Variants in ALDH1L2 observed in about 807,000 individuals in gnomAD.
The protein encoded by ALDH1L2 is aldehyde dehydrogenase 1 family member L2.
A neutral mutation model predicts 111.0 loss-of-function variants in ALDH1L2; 91 were observed. The ratio of observed to expected loss-of-function variants is 0.82; its 90% CI spans 0.69 to 0.98. The LOEUF (loss-of-function observed/expected upper bound fraction) is 0.98, where lower values mean the gene tolerates loss of function less well. ALDH1L2 is among the 50% of genes least tolerant of loss of function. The pLI, the probability that ALDH1L2 is intolerant of heterozygous loss-of-function variation, is 0.00. For synonymous variants in ALDH1L2, 374 were observed against 392.6 expected (o/e 0.95, Z 0.56); for missense variants, 995 against 1,126.8 (o/e 0.88, Z 1.67).
chr12:105,044,380 A>G (rs11112334), intron 15 of ALDH1L2, among the ~76,000 whole-genome samples: 20,780 of 140,796 alleles, frequency 0.15, 1,842 homozygotes, highest in African/African-American at 0.25. Flanking sequence ...GTGGTCTCCA[A>G]CTCAGACCAA....
At chr12:105,070,019 A>G (rs914007101) in intron 3 of ALDH1L2, among the ~76,000 whole-genome samples, 1 of 152,180 alleles carries the variant, frequency 6.6e-6, no homozygotes, top group Non-Finnish European at 1.5e-5. Flanking sequence ...GAGATGCTCT[A>G]TGCAAAAAAA....
At chr12:105,059,280 AATAATAATAATAATAAT>A (rs1876840159) in intron 9 of ALDH1L2, among the ~76,000 whole-genome samples, 1 of 25,504 alleles carries the variant, frequency 3.9e-5, no homozygotes, top group Non-Finnish European at 8.7e-5. Context: ...TAATAATAAT[AATAATAATAATAATAAT>A]AATAATAATA....
At chr12:105,068,154 T>G (rs1877485416) in intron 4 of ALDH1L2, among the ~76,000 whole-genome samples, 1 of 152,192 alleles carries the variant, frequency 6.6e-6, no homozygotes, top group South Asian at 2.1e-4. Flanking sequence ...TCTTGCTACT[T>G]CTTTCATACT....
rs985173691 is a variant in ALDH1L2 at position 105,071,575 on chromosome 12, TTATATA to T, written c.194-777_194-772del. 1.2e-4 allele frequency among the ~76,000 whole-genome samples: 17 copies of T among 137,368 alleles called. 1 individual carries two copies. In the South Asian group the frequency reaches 3.1e-3, roughly 25 times the overall value. 90.1% of individuals were successfully genotyped at this position (137,368 alleles called of 152,430 possible). A position where few individuals can be genotyped will look rare whatever the true frequency, so the allele number is the denominator to read the frequency against. ...ACTGTGTGCCTTATATCTTAAGTAT[TTATATA>T]TATATTTAAGTACACAGTTTTATAT... On this transcript the variant is annotated intron_variant, in intron 2 of 22. Transcript: ENST00000258494.
chr12:105,080,794 A>G (rs1337288704), intron 1 of ALDH1L2, among the ~76,000 whole-genome samples: 1 of 152,234 alleles, frequency 6.6e-6, no homozygotes, highest in Non-Finnish European at 1.5e-5. Context: ...TTCAGATTTT[A>G]AAGCATTTCA....
At chr12:105,033,066 C>T (rs1295257536) in intron 19 of ALDH1L2, among the ~76,000 whole-genome samples, 1 of 152,200 alleles carries the variant, frequency 6.6e-6, no homozygotes, top group Non-Finnish European at 1.5e-5. Context: ...GGAGTTATAA[C>T]CCAGCAGGTC....
chr12:105,044,432 CATCTCTGCCAGTGGGGCCCA>C (rs1875719136), intron 15 of ALDH1L2, among the ~76,000 whole-genome samples: 1 of 151,580 alleles, frequency 6.6e-6, no homozygotes, highest in Admixed American at 6.6e-5. Flanking sequence ...TATGGGGCCC[CATCTCTGCCAGTGGGGCCCA>C]ATATCAGCAT....
At chr12:105,032,797 A>G (rs1175775963) in intron 19 of ALDH1L2, among the ~76,000 whole-genome samples, 1 of 151,478 alleles carries the variant, frequency 6.6e-6, no homozygotes, top group African/African-American at 2.4e-5. Context: ...ACATACTTAC[A>G]CTGTTCATGG....
intron 1 of ALDH1L2, among the ~76,000 whole-genome samples, chr12:105,076,222 A>AGT (rs1284068870): frequency 6.6e-6 from 1 of 152,208 alleles, no homozygotes; most frequent in African/African-American, 2.4e-5. Flanking sequence ...CAAACTCTTC[A>AGT]GTGACTCAGA....
chr12:105,064,433 T>G (rs1877224411), intron 6 of ALDH1L2, among the ~76,000 whole-genome samples: 1 of 152,168 alleles, frequency 6.6e-6, no homozygotes, highest in Non-Finnish European at 1.5e-5. Context: ...CTTCAGATCC[T>G]GCACTCTTAA....
intron 1 of ALDH1L2, among the ~76,000 whole-genome samples, chr12:105,075,108 A>G (rs959916135): frequency 1.4e-4 from 21 of 152,208 alleles, no homozygotes; most frequent in African/African-American, 5.1e-4. Flanking sequence ...ACCTTACAAA[A>G]ATTTTGGCTT....
intron 18 of ALDH1L2, among the ~76,000 whole-genome samples, chr12:105,035,760 C>T (rs73387268): frequency 0.22 from 32,670 of 147,958 alleles, 5,226 homozygotes; most frequent in East Asian, 0.5. Flanking sequence ...TGTGCATTTT[C>T]CCTTTTTAGA....
intron 3 of ALDH1L2, among the ~76,000 whole-genome samples, chr12:105,070,264 A>G (rs1251807394): frequency 6.6e-6 from 1 of 152,208 alleles, no homozygotes; most frequent in Non-Finnish European, 1.5e-5. Flanking sequence ...TTCACGCTGT[A>G]TGTCTAGATC....
intron 4 of ALDH1L2, among the ~76,000 whole-genome samples, chr12:105,067,716 A>C (rs1163854726): frequency 6.6e-6 from 1 of 152,152 alleles, no homozygotes; most frequent in Non-Finnish European, 1.5e-5. Context: ...CCCACCCAAG[A>C]GCACACGGAG....
intron 6 of ALDH1L2, 63 bp downstream of exon 6, chr12:105,065,204 T>G: frequency 2.1e-6 from 2 of 957,254 alleles, no homozygotes; most frequent in Non-Finnish European, 3.0e-6. Context: ...GATTTATCTG[T>G]AATATCTCTT....
intron 2 of ALDH1L2, among the ~76,000 whole-genome samples, chr12:105,071,118 C>T (rs1008868912): frequency 1.3e-5 from 2 of 152,142 alleles, no homozygotes; most frequent in African/African-American, 4.8e-5. Flanking sequence ...ATTTTAAGAA[C>T]ATAGCTTTAG....
intron 3 of ALDH1L2, among the ~76,000 whole-genome samples, chr12:105,069,965 TTGA>T (rs1452113859): frequency 3.3e-5 from 5 of 152,206 alleles, no homozygotes; most frequent in South Asian, 4.1e-4. Context: ...AAGTAATTAC[TTGA>T]TGATTATTTC....
In ALDH1L2 at chr12:105,036,091, T is replaced by TTA. The variant is rs1555224254; in HGVS notation, c.2146-1695_2146-1694dup. ...ACGTATATTTATATATGTGTATATA[T>TTA]TATATATACGTATATTTATATATGT... On this transcript the variant is annotated intron_variant, in intron 18 of 22. Transcript: ENST00000258494. Among the ~76,000 whole-genome samples, 3 of 53,424 alleles carry TTA rather than the reference T, an allele frequency of 5.6e-5. 1 individual carries two copies. Among genetic ancestry groups the TTA allele is most frequent in the Admixed American group, 2.1e-4 (1 of 4,874 alleles). 35.0% of individuals were successfully genotyped at this position (53,424 alleles called of 152,430 possible).
intron 1 of ALDH1L2, among the ~76,000 whole-genome samples, chr12:105,078,531 T>C (rs1878184633): frequency 6.6e-6 from 1 of 152,222 alleles, no homozygotes; most frequent in South Asian, 2.1e-4. Flanking sequence ...AACAGTCAGC[T>C]AGCGCTGAGC....
Sources: gnomAD v4.1 joint callset for allele counts (sites outside exome capture counted in the v4.1 genomes callset) on GRCh38, gnomAD v4.1.1 for gene constraint, MANE v1.5 for transcripts, NCBI Gene and HGNC (gene_info 2026-07-23, HGNC 2026-07-21) for gene names.